MYH11: variants seen among roughly 807,000 people sequenced by gnomAD.
MYH11 encodes the protein myosin heavy chain 11.
A neutral mutation model predicts 246.6 loss-of-function variants in MYH11; 80 were observed. The ratio of observed to expected loss-of-function variants is 0.32; its 90% CI spans 0.27 to 0.39. The LOEUF (loss-of-function observed/expected upper bound fraction) is 0.39, where lower values mean the gene tolerates loss of function less well. MYH11 is among the 10% of genes least tolerant of loss of function. The pLI is 1.00. For missense variants in MYH11, 2,158 were observed against 2,546.8 expected (o/e 0.85, Z 3.29); for synonymous variants, 1,071 against 1,015.5 (o/e 1.05, Z -1.04).
chr16:15,798,816 C>T (rs2042814436), intron 3 of MYH11, 129 bp from the exon 4 acceptor site: 2 of 1,022,012 alleles, frequency 2.0e-6, no homozygotes, highest in South Asian at 1.4e-5. Context: ...GAAGTGACAA[C>T]AGGTCAGCTG....
In MYH11 at chr16:15,773,135, A is replaced by G. The variant is rs1006513192; in HGVS notation, c.890-1423T>C. ...AAACCAGTCCTCAGTGCCAAAAGTA[A>G]CAGGTGCTTTTGGCCTATTGGAAGA... On this transcript the variant is annotated intron_variant, in intron 8 of 40. Transcript: ENST00000300036. Among the ~76,000 whole-genome samples, 3 of 152,090 alleles carry G rather than the reference A, an allele frequency of 2.0e-5. No homozygotes were observed. In the East Asian group the frequency reaches 5.8e-4, roughly 29 times the overall value.
intron 4 of MYH11, among the ~76,000 whole-genome samples, chr16:15,794,278 G>T (rs900619039): frequency 1.3e-5 from 2 of 152,148 alleles, no homozygotes; most frequent in African/African-American, 4.8e-5. Flanking sequence ...TAACCAAACA[G>T]TTGGCTCCAG....
At chr16:15,777,718 C>A (rs919241909) in intron 7 of MYH11, among the ~76,000 whole-genome samples, 1 of 152,090 alleles carries the variant, frequency 6.6e-6, no homozygotes, top group South Asian at 2.1e-4. Context: ...AACGCAATAG[C>A]CACCACCTAT....
intron 40 of MYH11, among the ~76,000 whole-genome samples, chr16:15,707,303 A>G (rs987254444): frequency 6.6e-6 from 1 of 152,162 alleles, no homozygotes; most frequent in African/African-American, 2.4e-5. Flanking sequence ...TGCTGGGATT[A>G]TAGGCATGAC....
chr16:15,804,409 C>A (rs2042962365), intron 3 of MYH11, among the ~76,000 whole-genome samples: 1 of 152,104 alleles, frequency 6.6e-6, no homozygotes, highest in Admixed American at 6.6e-5. Flanking sequence ...GTAATCCCAG[C>A]TACTCAGGAG....
intron 2 of MYH11, among the ~76,000 whole-genome samples, chr16:15,829,042 G>C (rs2043654623): frequency 6.6e-6 from 1 of 151,834 alleles, no homozygotes; most frequent in Non-Finnish European, 1.5e-5. Flanking sequence ...AAATTAGCTG[G>C]GTGTGGTGGC....
chr16:15,809,239 A>G (rs2043084204), intron 3 of MYH11, among the ~76,000 whole-genome samples: 1 of 152,074 alleles, frequency 6.6e-6, no homozygotes, highest in Admixed American at 6.6e-5. Flanking sequence ...AATAATCAAT[A>G]TTGTTAGAAT....
intron 2 of MYH11, among the ~76,000 whole-genome samples, chr16:15,828,935 G>A (rs746552455): frequency 2.0e-5 from 3 of 151,890 alleles, no homozygotes; most frequent in Non-Finnish European, 4.4e-5. Context: ...TTTAATGCCA[G>A]CACTTTGGGA....
At chr16:15,720,567 G>A (rs2040411966) in intron 33 of MYH11, among the ~76,000 whole-genome samples, 1 of 151,430 alleles carries the variant, frequency 6.6e-6, no homozygotes, top group Non-Finnish European at 1.5e-5. Flanking sequence ...TGGCCAACAT[G>A]GTGAAACCTT....
rs1278496485 is a variant in MYH11, at chr16:15,752,217, G to A, written c.1864+1177C>T. ...TGACACAGACCCAGGGTGCGATGTTGTTCCCTAGGCCCAGAGCCTGGCATA... is the reference window on the plus strand; with the variant it reads ...TGACACAGACCCAGGGTGCGATGTTATTCCCTAGGCCCAGAGCCTGGCATA... On this transcript the variant is annotated intron_variant, in intron 15 of 40. Coordinates refer to ENST00000300036, the MANE Select transcript of MYH11 (RefSeq NM_002474.3). 2.0e-5 allele frequency among the ~76,000 whole-genome samples: 3 copies of A among 152,062 alleles called. No homozygotes were observed. In the East Asian group the frequency reaches 5.8e-4, roughly 29 times the overall value.
Position 15,741,754 on chromosome 16 carries a change from AGG to A in MYH11, c.2652+4_2652+5del, listed in dbSNP as rs774287741. On this transcript the variant is annotated splice_donor_5th_base_variant and intron_variant, in intron 21 of 40. Transcript: ENST00000300036. ...AGCAACCCCAGCCATGCATCCATAC[AGG>A]TACCTGCGAGTGCTTCTGTTCCAGC... The A allele has an allele frequency of 6.2e-7, 1 of 1,614,092 alleles. No individual in the cohort carries two copies. Among genetic ancestry groups the A allele is most frequent in the Non-Finnish European group, 8.5e-7 (1 of 1,180,028 alleles).
intron 19 of MYH11, 26 bp downstream of exon 19, chr16:15,747,544 A>G: frequency 1.2e-6 from 2 of 1,614,096 alleles, no homozygotes; most frequent in South Asian, 1.1e-5. Context: ...CGTTTGAGGT[A>G]TTAGGATGCA....
rs1486327758 is a variant in MYH11, at chr16:15,759,675, G to A, written c.1302C>T (p.Arg434=). ...LAKATYERLF[R]WILTRVNKAL... ...CTTTGTTCACGCGGGTGAGTATCCA[G>A]CGGAAAAGGCGCTCATATGTTGCCT... The change falls in exon 12 of 41, where the codon CGC becomes CGT. Residue 434 remains arginine, a synonymous_variant. Transcript: ENST00000300036. 1 of 1,614,218 alleles carries A rather than the reference G, an allele frequency of 6.2e-7. No homozygotes were observed. Among genetic ancestry groups the A allele is most frequent in the South Asian group, 1.1e-5 (1 of 91,084 alleles).
At chr16:15,801,709 C>T (rs2042890500) in intron 3 of MYH11, among the ~76,000 whole-genome samples, 1 of 151,744 alleles carries the variant, frequency 6.6e-6, no homozygotes, top group Admixed American at 6.6e-5. Flanking sequence ...GTAATCCCAG[C>T]ACTTCGGAAG....
chr16:15,755,449 T>C (rs74009421), intron 14 of MYH11, among the ~76,000 whole-genome samples: 3,767 of 152,254 alleles, frequency 0.025, 146 homozygotes, highest in African/African-American at 0.086. Flanking sequence ...TGGCCCCGCC[T>C]GTTGGGTATA....
At chr16:15,717,458 C>T (rs530678693) in intron 37 of MYH11, 110 bp from the exon 38 acceptor site, 15 of 1,133,046 alleles carry the variant, frequency 1.3e-5, no homozygotes, top group Middle Eastern at 2.8e-4. Context: ...CCCTTGATCC[C>T]GGGCACCCTG....
chr16:15,719,748 T>A, intron 34 of MYH11, 35 bp from the exon 35 acceptor site: 1 of 1,613,644 alleles, frequency 6.2e-7, no homozygotes, highest in South Asian at 1.1e-5. Flanking sequence ...AGCTCAGATG[T>A]CCTTACTCCC....
In MYH11 at chr16:15,721,059, C is replaced by T; in HGVS notation, c.4579-8G>A. 6.2e-7 allele frequency: 1 copy of T among 1,613,664 alleles called. No individual in the cohort carries two copies. The highest frequency in any genetic ancestry group is 1.1e-5 in the South Asian group (1 of 91,082). On this transcript the variant is annotated splice_region_variant and splice_polypyrimidine_tract_variant and intron_variant, in intron 32 of 40. Transcript: ENST00000300036. The stretch of plus-strand genomic sequence containing the variant: ...CTTCTCCAGCTCATGGACCTGCCGG[C>T]AGAGCGGGCAGCCCCATTCTATGAG...
intron 3 of MYH11, among the ~76,000 whole-genome samples, chr16:15,816,474 T>C (rs2043265896): frequency 6.6e-6 from 1 of 151,832 alleles, no homozygotes; most frequent in South Asian, 2.1e-4. Flanking sequence ...AGAAGAAAAA[T>C]AGTCACAAAG....
Sources: gnomAD v4.1 joint callset for allele counts (sites outside exome capture counted in the v4.1 genomes callset) on GRCh38, gnomAD v4.1.1 for gene constraint, MANE v1.5 for transcripts, NCBI Gene and HGNC (gene_info 2026-07-23, HGNC 2026-07-21) for gene names.